Variants in STPG2 observed in about 807,000 individuals in gnomAD.
STPG2 encodes the protein sperm tail PG-rich repeat containing 2.
STPG2 carries 56 observed loss-of-function variants against 54.2 expected under a neutral mutation model. The observed-to-expected ratio is 1.03, with a 90% CI of 0.83 to 1.29. The LOEUF (loss-of-function observed/expected upper bound fraction) is 1.29, where lower values mean the gene tolerates loss of function less well. Among genes scored for constraint, STPG2 ranks in the 50% most tolerant of loss-of-function variants. The pLI, the probability that STPG2 is intolerant of heterozygous loss-of-function variation, is 0.00. For synonymous variants in STPG2, 200 were observed against 181.8 expected, an observed-to-expected ratio of 1.10 and a Z score of -0.81; for missense variants, 596 against 544.9, an observed-to-expected ratio of 1.09 and a Z score of -0.93.
intron 4 of STPG2, among the ~76,000 whole-genome samples, chr4:97,451,098 T>C (rs1410638760): frequency 1.3e-5 from 2 of 152,020 alleles, no homozygotes; most frequent in African/African-American, 4.8e-5. Context: ...TACTGAGAGA[T>C]TATAGAATAA....
chr4:97,500,503 A>G (rs1302611156), intron 4 of STPG2, among the ~76,000 whole-genome samples: 2 of 152,064 alleles, frequency 1.3e-5, no homozygotes, highest in Non-Finnish European at 2.9e-5. Context: ...AGGTCTTCTC[A>G]ACATATGGAT....
intron 10 of STPG2, among the ~76,000 whole-genome samples, chr4:97,566,095 C>T (rs1054797877): frequency 6.6e-6 from 1 of 152,178 alleles, no homozygotes; most frequent in Non-Finnish European, 1.5e-5. Context: ...CCACCCAGTT[C>T]GAGCTTCCAG....
chr4:97,594,916 G>C (rs1184207458), intron 10 of STPG2, among the ~76,000 whole-genome samples: 2 of 152,164 alleles, frequency 1.3e-5, no homozygotes, highest in African/African-American at 4.8e-5. Flanking sequence ...TCTCACACCA[G>C]TTAGAATGGC....
chr4:97,793,888 G>C (rs905130527), intron 9 of STPG2, among the ~76,000 whole-genome samples: 1 of 151,998 alleles, frequency 6.6e-6, no homozygotes. Context: ...TAGAATTGTG[G>C]CTAAGACCTG....
chr4:97,805,729 T>C (rs1290642079), intron 9 of STPG2, among the ~76,000 whole-genome samples: 1 of 151,882 alleles, frequency 6.6e-6, no homozygotes, highest in Non-Finnish European at 1.5e-5. Context: ...TTTACTCTGT[T>C]AATTTTTTTT....
chr4:97,753,835 T>C (rs923021612), intron 9 of STPG2, among the ~76,000 whole-genome samples: 8 of 152,100 alleles, frequency 5.3e-5, no homozygotes, highest in African/African-American at 1.9e-4. Context: ...TTATGTCTCC[T>C]GCCCATTTTC....
At chr4:97,544,829 T>C (rs1228390745) in intron 4 of STPG2, among the ~76,000 whole-genome samples, 3 of 152,110 alleles carry the variant, frequency 2.0e-5, no homozygotes, top group Admixed American at 6.5e-5. Flanking sequence ...ATATAGCTTA[T>C]TACCCAGCAG....
chr4:97,962,346 A>G (rs1262943075), intron 7 of STPG2, among the ~76,000 whole-genome samples: 1 of 152,200 alleles, frequency 6.6e-6, no homozygotes, highest in Non-Finnish European at 1.5e-5. Context: ...AGTCCCCAAT[A>G]GCCTGTGGAA....
At chr4:97,568,197 C>T (rs141949535) in intron 10 of STPG2, among the ~76,000 whole-genome samples, 4 of 152,238 alleles carry the variant, frequency 2.6e-5, no homozygotes, top group African/African-American at 4.8e-5. Flanking sequence ...GAAAAGAAAA[C>T]ATAAACAAAT....
intron 5 of STPG2, among the ~76,000 whole-genome samples, chr4:98,003,422 A>G (rs938917756): frequency 1.3e-5 from 2 of 152,058 alleles, no homozygotes; most frequent in Non-Finnish European, 2.9e-5. Context: ...AAGACGAAAA[A>G]AACACATTGA....
chr4:97,449,955 T>C (rs1729323675), intron 4 of STPG2, among the ~76,000 whole-genome samples: 1 of 152,158 alleles, frequency 6.6e-6, no homozygotes, highest in Non-Finnish European at 1.5e-5. Flanking sequence ...TAAAGGAAAG[T>C]AACATTAATT....
At chr4:97,556,488 C>T (rs958959300), downstream of STPG2, among the ~76,000 whole-genome samples, 5 of 152,212 alleles carry the variant, frequency 3.3e-5, 1 homozygote, top group African/African-American at 1.2e-4. Context: ...TTTTCTAAGC[C>T]ATTTAGTATC....
intron 10 of STPG2, among the ~76,000 whole-genome samples, chr4:97,680,108 A>C (rs1054139612): frequency 2.0e-5 from 3 of 151,482 alleles, no homozygotes; most frequent in Admixed American, 1.3e-4. Flanking sequence ...TTGGCAATGC[A>C]GGCTCTTTTT....
chr4:97,723,863 A>T (rs1310132639), intron 9 of STPG2, among the ~76,000 whole-genome samples: 1 of 152,202 alleles, frequency 6.6e-6, no homozygotes, highest in East Asian at 1.9e-4. Flanking sequence ...TGAGAATGGC[A>T]TAAGGGAAAC....
chr4:97,895,623 C>T (rs780277983), intron 8 of STPG2, among the ~76,000 whole-genome samples: 11 of 151,896 alleles, frequency 7.2e-5, no homozygotes, highest in Non-Finnish European at 1.2e-4. Context: ...ATTTTACATG[C>T]TGGCATAAGA....
chr4:97,729,176 C>T (rs1724718883), intron 9 of STPG2, among the ~76,000 whole-genome samples: 1 of 149,466 alleles, frequency 6.7e-6, no homozygotes, highest in Non-Finnish European at 1.5e-5. Flanking sequence ...CTCAGGCCCT[C>T]ATCTAATTTC....
intron 4 of STPG2, among the ~76,000 whole-genome samples, chr4:97,543,977 G>T (rs1419239676): frequency 6.6e-6 from 1 of 151,884 alleles, no homozygotes; most frequent in Non-Finnish European, 1.5e-5. Context: ...CCTCCAAAAG[G>T]TACGAATATT....
chr4:97,592,839 A>G (rs1368716380), intron 10 of STPG2, among the ~76,000 whole-genome samples: 4 of 152,056 alleles, frequency 2.6e-5, no homozygotes, highest in African/African-American at 9.7e-5. Context: ...ACAACCCCCA[A>G]GGGCACTTGA....
intron 5 of STPG2, among the ~76,000 whole-genome samples, chr4:98,102,909 CAA>C (rs1739086594): frequency 6.7e-6 from 1 of 148,234 alleles, no homozygotes; most frequent in South Asian, 2.1e-4. Flanking sequence ...TAATATATAA[CAA>C]ATAATTATAA....
Sources: gnomAD v4.1 joint callset for allele counts (sites outside exome capture counted in the v4.1 genomes callset) on GRCh38, gnomAD v4.1.1 for gene constraint, MANE v1.5 for transcripts, NCBI Gene and HGNC (gene_info 2026-07-23, HGNC 2026-07-21) for gene names.